Variants in IDO2 observed in about 807,000 individuals in gnomAD.
IDO2 encodes the protein indoleamine 2,3-dioxygenase 2, also known as indoleamine 2,3-dioxygenase-like 1 protein.
A neutral mutation model predicts 45.1 loss-of-function variants in IDO2; 46 were observed. The ratio of observed to expected loss-of-function variants is 1.02; its 90% CI spans 0.80 to 1.30. IDO2 has a LOEUF of 1.30. Among genes scored for constraint, IDO2 ranks in the 50% most tolerant of loss-of-function variants. The pLI, the probability that IDO2 is intolerant of heterozygous loss-of-function variation, is 0.00. For missense variants in IDO2, 544 were observed against 491.8 expected, an observed-to-expected ratio of 1.11 and a Z score of -1.00; for synonymous variants, 218 against 184.9, an observed-to-expected ratio of 1.18 and a Z score of -1.45.
chr8:39,954,400 GTA>G (rs2129593504), intron 2 of IDO2, among the ~76,000 whole-genome samples: 1 of 152,242 alleles, frequency 6.6e-6, no homozygotes, highest in Admixed American at 6.5e-5. Context: ...AGATTTAATA[GTA>G]TAGTCGTTTG....
chr8:39,995,659 A>G (rs1802031363), intron 8 of IDO2, among the ~76,000 whole-genome samples: 1 of 152,224 alleles, frequency 6.6e-6, no homozygotes, highest in African/African-American at 2.4e-5. Flanking sequence ...CTAGAAATAG[A>G]TTATAGATAT....
At chr8:39,977,067 A>G (rs1808269715) in intron 3 of IDO2, among the ~76,000 whole-genome samples, 1 of 152,182 alleles carries the variant, frequency 6.6e-6, no homozygotes, top group Non-Finnish European at 1.5e-5. Context: ...ATAACACTCA[A>G]AATAAATTAT....
chr8:39,945,171 C>A (rs1324686866), intron 1 of IDO2, among the ~76,000 whole-genome samples: 2 of 152,228 alleles, frequency 1.3e-5, no homozygotes, highest in Admixed American at 6.5e-5. Flanking sequence ...GTCTGGGAAG[C>A]ATTGCCTCTG....
intron 2 of IDO2, among the ~76,000 whole-genome samples, chr8:39,961,897 C>T (rs947665811): frequency 5.9e-5 from 9 of 152,148 alleles, no homozygotes; most frequent in African/African-American, 2.2e-4. Flanking sequence ...AGGTTATGCA[C>T]TGAGAAAAAG....
At chr8:39,985,432 T>G (rs1808408936) in intron 5 of IDO2, 76 bp from the exon 6 acceptor site, 1 of 1,290,134 alleles carries the variant, frequency 7.8e-7, no homozygotes, top group Non-Finnish European at 1.1e-6. Context: ...GTTATTAATA[T>G]ATCTGGTTTA....
At chr8:39,980,834 C>T (rs148148727) in intron 4 of IDO2, among the ~76,000 whole-genome samples, 253 of 152,260 alleles carry the variant, frequency 1.7e-3, no homozygotes, top group African/African-American at 5.8e-3. Flanking sequence ...ACTGCAACCT[C>T]GGCTTCCTGG....
At chr8:40,014,638 A>G (rs1214248238) in intron 10 of IDO2, among the ~76,000 whole-genome samples, 1 of 152,204 alleles carries the variant, frequency 6.6e-6, no homozygotes, top group Non-Finnish European at 1.5e-5. Flanking sequence ...CCAACGGGAT[A>G]CTTTGTTTAC....
At chr8:39,987,894 T>C in exon 7 of IDO2, 1 of 1,610,474 alleles carries the variant, frequency 6.2e-7, no homozygotes, top group Non-Finnish European at 8.5e-7. Flanking sequence ...ATCATCTCAT[T>C]TCCTGGGGGA....
intron 1 of IDO2, among the ~76,000 whole-genome samples, chr8:39,940,955 C>T (rs1356739315): frequency 3.4e-5 from 5 of 148,320 alleles, no homozygotes; most frequent in Non-Finnish European, 7.4e-5. Context: ...TTTGGCTGGG[C>T]GCGGTAGGTC....
At chr8:39,963,680 C>G in exon 3 of IDO2, 2 of 1,607,798 alleles carry the variant, frequency 1.2e-6, no homozygotes, top group Non-Finnish European at 1.7e-6. Context: ...TGATGCTCAC[C>G]AGCTTCAAGC....
chr8:39,968,888 TAA>T (rs753978365), intron 3 of IDO2, among the ~76,000 whole-genome samples: 1 of 130,726 alleles, frequency 7.6e-6, no homozygotes, highest in Admixed American at 7.7e-5. Flanking sequence ...TTTAAAAAAG[TAA>T]AAAAAAAAAA....
chr8:39,944,737 G>T (rs374716163), intron 1 of IDO2, among the ~76,000 whole-genome samples: 1 of 151,992 alleles, frequency 6.6e-6, no homozygotes, highest in Non-Finnish European at 1.5e-5. Flanking sequence ...ATTTATTTCT[G>T]TAAAATTGTT....
chr8:39,999,831 G>A (rs1216633052), intron 8 of IDO2, among the ~76,000 whole-genome samples: 2 of 152,286 alleles, frequency 1.3e-5, no homozygotes, highest in African/African-American at 2.4e-5. Flanking sequence ...AGCTTTAGAA[G>A]TCTTGCCCAA....
chr8:39,985,546 G>A lies in IDO2; in HGVS notation c.449+24G>A, dbSNP rs369683875. The A allele has an allele frequency of 9.4e-5, 146 of 1,553,084 alleles. No individual in the cohort carries two copies. In the Middle Eastern group the frequency reaches 1.7e-3, roughly 18 times the overall value. ...GGGTAAGTTCTCAGAAATCATTTAC[G>A]CACTTTAGAATCCAGGCCAAATTTA... On this transcript the variant is annotated intron_variant, in intron 6 of 10. Transcript: ENST00000502986.
intron 4 of IDO2, among the ~76,000 whole-genome samples, chr8:39,981,586 T>C (rs1808353167): frequency 6.6e-6 from 1 of 152,102 alleles, no homozygotes; most frequent in South Asian, 2.1e-4. Flanking sequence ...CCTTTCACTT[T>C]CTTTGTTTCT....
chr8:39,995,875 G>A (rs1315082765), intron 8 of IDO2, among the ~76,000 whole-genome samples: 1 of 152,110 alleles, frequency 6.6e-6, no homozygotes, highest in African/African-American at 2.4e-5. Flanking sequence ...TTGGTCTAGC[G>A]GTAACGCCCG....
At chr8:39,959,141 G>C (rs368905128) in intron 2 of IDO2, among the ~76,000 whole-genome samples, 1 of 147,692 alleles carries the variant, frequency 6.8e-6, no homozygotes, top group African/African-American at 2.5e-5. Flanking sequence ...ACAGTGTCTC[G>C]CTCTGTCGCC....
intron 8 of IDO2, among the ~76,000 whole-genome samples, chr8:39,994,711 G>T (rs1217183674): frequency 8.5e-6 from 1 of 117,780 alleles, no homozygotes. Flanking sequence ...CTGGGAAATT[G>T]TTCCTACCTT....
intron 1 of IDO2, among the ~76,000 whole-genome samples, chr8:39,947,031 C>A (rs1224235073): frequency 6.6e-6 from 1 of 151,794 alleles, no homozygotes; most frequent in African/African-American, 2.4e-5. Flanking sequence ...TGGTGGGTGC[C>A]TACAATCCCA....
Sources: gnomAD v4.1 joint callset for allele counts (sites outside exome capture counted in the v4.1 genomes callset) on GRCh38, gnomAD v4.1.1 for gene constraint, MANE v1.5 for transcripts, NCBI Gene and HGNC (gene_info 2026-07-23, HGNC 2026-07-21) for gene names.